PACRG: variants seen among roughly 807,000 people sequenced by gnomAD.
The protein encoded by PACRG is parkin coregulated, also known as parkin coregulated gene protein.
Under a neutral mutation model 29.7 loss-of-function variants are expected in PACRG, and 29 were observed. The ratio of observed to expected loss-of-function variants is 0.98; its 90% CI spans 0.73 to 1.33. PACRG has a LOEUF of 1.33. Ranked by LOEUF, PACRG falls within the 40% of genes most tolerant of loss-of-function variation. The probability of loss-of-function intolerance (pLI) is 0.00; values close to 1 mark genes in which losing one functional copy is unlikely to be tolerated. For synonymous variants in PACRG, 116 were observed against 118.7 expected, an observed-to-expected ratio of 0.98 and a Z score of 0.15; for missense variants, 279 against 316.2, an observed-to-expected ratio of 0.88 and a Z score of 0.89.
At chr6:163,014,217 TGGTG>T in intron 2 of PACRG, among the ~76,000 whole-genome samples, 1 of 152,324 alleles carries the variant, frequency 6.6e-6, no homozygotes, top group African/African-American at 2.4e-5. Flanking sequence ...AAGTAGTCTA[TGGTG>T]TATATGTACC....
rs577475332 is a variant in PACRG at position 163,284,893 on chromosome 6, G to A, written c.614-29934G>A. On this transcript the variant is annotated intron_variant, in intron 4 of 4. Transcript: ENST00000366888. ...CTCACTTTATCAAATTCAACACCATGTTCTAGCTGTTTTTTAATTTTCCAA... is the reference window on the plus strand; with the variant it reads ...CTCACTTTATCAAATTCAACACCATATTCTAGCTGTTTTTTAATTTTCCAA... 3.5e-4 allele frequency among the ~76,000 whole-genome samples: 53 copies of A among 152,222 alleles called. 2 individuals carry two copies. The South Asian group carries it at 0.01, about 29-fold the overall frequency.
At chr6:162,929,018 T>C (rs1797655599) in intron 2 of PACRG, among the ~76,000 whole-genome samples, 1 of 152,116 alleles carries the variant, frequency 6.6e-6, no homozygotes, top group African/African-American at 2.4e-5. Context: ...AGTCATCCAC[T>C]GATGGTCACT....
At chr6:163,183,896 A>G (rs1045020089) in intron 4 of PACRG, among the ~76,000 whole-genome samples, 2 of 152,216 alleles carry the variant, frequency 1.3e-5, no homozygotes, top group African/African-American at 4.8e-5. Flanking sequence ...GCAATGCAAC[A>G]CTGGTTTGGT....
chr6:162,761,268 G>A (rs1459240940), intron 1 of PACRG, among the ~76,000 whole-genome samples: 1 of 152,216 alleles, frequency 6.6e-6, no homozygotes, highest in Non-Finnish European at 1.5e-5. Context: ...TTTGTTGGCA[G>A]TGCTAAACAA....
At chr6:162,956,245 A>C (rs537956776) in intron 2 of PACRG, among the ~76,000 whole-genome samples, 1 of 152,318 alleles carries the variant, frequency 6.6e-6, no homozygotes, top group East Asian at 1.9e-4. Flanking sequence ...GAGACCAGCC[A>C]CAGACTTGCA....
chr6:162,779,863 A>G (rs895542482), intron 1 of PACRG, among the ~76,000 whole-genome samples: 2 of 152,212 alleles, frequency 1.3e-5, no homozygotes, highest in African/African-American at 4.8e-5. Flanking sequence ...CAGGCAATGA[A>G]GGACAGTAAT....
intron 1 of PACRG, among the ~76,000 whole-genome samples, chr6:162,776,898 AAAGGC>A (rs1426492088): frequency 2.6e-5 from 4 of 152,148 alleles, no homozygotes; most frequent in Admixed American, 2.0e-4. Flanking sequence ...GCTAGCATTA[AAAGGC>A]ATAAGAATGA....
In PACRG at chr6:162,939,745, A is replaced by G. The variant is rs868579805; in HGVS notation, c.292-122405A>G. Among the ~76,000 whole-genome samples, 13 of 151,624 alleles carry G rather than the reference A, an allele frequency of 8.6e-5. 1 individual carries two copies. The South Asian group carries it at 1.0e-3, about 12-fold the overall frequency. ...CATGTTCTGGTAATGAATGTTTTCT[A>G]TCTGTTATATTGTTGAACACTGCCT... On this transcript the variant is annotated intron_variant, in intron 2 of 4. Coordinates refer to ENST00000366888, the MANE Select transcript of PACRG (RefSeq NM_001080379.2).
intron 4 of PACRG, among the ~76,000 whole-genome samples, chr6:163,099,224 T>A (rs1027934100): frequency 6.6e-6 from 1 of 152,210 alleles, no homozygotes; most frequent in African/African-American, 2.4e-5. Flanking sequence ...GGGTTGTGGC[T>A]GGTTTCCAGT....
At chr6:163,135,185 ATTTT>A (rs10568609) in intron 4 of PACRG, among the ~76,000 whole-genome samples, 2 of 143,590 alleles carry the variant, frequency 1.4e-5, no homozygotes, top group African/African-American at 5.1e-5. Context: ...TAGTTAAGTC[ATTTT>A]TTTTTTTTTT....
chr6:162,926,514 C>A (rs368826715), intron 2 of PACRG, among the ~76,000 whole-genome samples: 15 of 152,132 alleles, frequency 9.9e-5, no homozygotes, highest in African/African-American at 3.4e-4. Flanking sequence ...CTACAACCAT[C>A]TGATGTTCAA....
At chr6:163,058,640 T>C (rs528812218) in intron 2 of PACRG, among the ~76,000 whole-genome samples, 55 of 152,156 alleles carry the variant, frequency 3.6e-4, no homozygotes, top group Admixed American at 1.2e-3. Flanking sequence ...CTCACGCCTG[T>C]AATCCCAGCA....
chr6:163,276,743 A>G (rs1415001251), intron 4 of PACRG, among the ~76,000 whole-genome samples: 2 of 152,138 alleles, frequency 1.3e-5, no homozygotes, highest in African/African-American at 4.8e-5. Flanking sequence ...CCCTTTTTGC[A>G]CTTTCACCAC....
At chr6:163,035,660 A>ATAC (rs1416762269) in intron 2 of PACRG, among the ~76,000 whole-genome samples, 1 of 151,248 alleles carries the variant, frequency 6.6e-6, no homozygotes, top group African/African-American at 2.4e-5. Flanking sequence ...AATAATAATA[A>ATAC]TACAAAAATG....
At chr6:162,765,093 A>G (rs1029246173) in intron 1 of PACRG, among the ~76,000 whole-genome samples, 26 of 151,800 alleles carry the variant, frequency 1.7e-4, no homozygotes, top group Non-Finnish European at 2.9e-5. Flanking sequence ...CCTATTTATC[A>G]TCATCATCAT....
chr6:163,032,610 A>G (rs1807774519), intron 2 of PACRG, among the ~76,000 whole-genome samples: 1 of 152,230 alleles, frequency 6.6e-6, no homozygotes, highest in Non-Finnish European at 1.5e-5. Context: ...GAATTATAAG[A>G]GTTTTTTATA....
chr6:162,846,982 C>T (rs1259759186), intron 2 of PACRG, among the ~76,000 whole-genome samples: 1 of 151,998 alleles, frequency 6.6e-6, no homozygotes, highest in African/African-American at 2.4e-5. Context: ...CCATGCTCCC[C>T]ACACTGCCCA....
In PACRG at chr6:163,089,335, G is replaced by A. The variant is rs753718431; in HGVS notation, c.540G>A (p.Glu180=). ...TCCAGCATCTGGTTGTGTCAGCTGA[G>A]ATGGTGGGCAAGGCCTTGGTGCCTT... ...KVLQHLVVSA[E]MVGKALVPYY... Residue 180 remains glutamate (E), a synonymous_variant, in exon 4 of 5, where the codon GAG becomes GAA. Coordinates refer to ENST00000366888, the MANE Select transcript of PACRG (RefSeq NM_001080379.2). The A allele has an allele frequency of 3.7e-6, 6 of 1,614,140 alleles. No homozygotes were observed. Among genetic ancestry groups the A allele is most frequent in the Admixed American group, 1.7e-5 (1 of 60,016 alleles).
At chr6:162,745,314 C>T (rs1554270889) in intron 1 of PACRG, among the ~76,000 whole-genome samples, 1 of 151,650 alleles carries the variant, frequency 6.6e-6, no homozygotes, top group Admixed American at 6.6e-5. Flanking sequence ...TGTTCTCACT[C>T]ATAAGTGGGA....
Sources: allele counts gnomAD v4.1 joint callset (sites outside exome capture counted in the v4.1 genomes callset), GRCh38; gene constraint gnomAD v4.1.1; transcripts MANE v1.5; gene names NCBI Gene and HGNC (gene_info 2026-07-23, HGNC 2026-07-21).